The following MCTP1 variants were observed in gnomAD, a reference collection of about 807,000 sequenced individuals.
MCTP1 encodes multiple C2 and transmembrane domain-containing protein 1.
In MCTP1, 69 loss-of-function variants were observed where a neutral mutation model predicts 120.6. The observed-to-expected ratio is 0.57, with a 90% CI of 0.47 to 0.70. The LOEUF (loss-of-function observed/expected upper bound fraction) is 0.70. Among genes scored for constraint, MCTP1 ranks in the 30% least tolerant of loss-of-function variants. The pLI, the probability that MCTP1 is intolerant of heterozygous loss-of-function variation, is 0.00. For synonymous variants in MCTP1, 529 were observed against 493.1 expected (o/e 1.07, Z -0.96); for missense variants, 1,203 against 1,248.8 (o/e 0.96, Z 0.55).
At chr5:94,845,463 G>A (rs991023816) in intron 17 of MCTP1, among the ~76,000 whole-genome samples, 1 of 152,170 alleles carries the variant, frequency 6.6e-6, no homozygotes, top group Admixed American at 6.5e-5. Context: ...AATTTAAGAT[G>A]AGATTTGTGT....
At chr5:94,995,298 T>A (rs1832408018) in intron 2 of MCTP1, among the ~76,000 whole-genome samples, 1 of 152,160 alleles carries the variant, frequency 6.6e-6, no homozygotes, top group South Asian at 2.1e-4. Context: ...TATGATTCAG[T>A]AGGTCTGGGA....
chr5:94,974,946 G>C (rs1347063100), intron 2 of MCTP1, among the ~76,000 whole-genome samples: 7 of 151,996 alleles, frequency 4.6e-5, no homozygotes, highest in Non-Finnish European at 7.4e-5. Context: ...TATTCACTTT[G>C]AGAAAAAAGG....
At chr5:95,126,023 A>G in intron 1 of MCTP1, among the ~76,000 whole-genome samples, 1 of 152,248 alleles carries the variant, frequency 6.6e-6, no homozygotes, top group East Asian at 1.9e-4. Context: ...GTTTTTTAAA[A>G]AAAATTTCAG....
intron 1 of MCTP1, among the ~76,000 whole-genome samples, chr5:95,194,203 G>C (rs1016463322): frequency 6.6e-6 from 1 of 151,858 alleles, no homozygotes; most frequent in Middle Eastern, 3.2e-3. Context: ...GTGAGACACT[G>C]TCTGAAAAGA....
chr5:95,101,799 A>T (rs969868251), intron 1 of MCTP1, among the ~76,000 whole-genome samples: 1 of 152,228 alleles, frequency 6.6e-6, no homozygotes, highest in Non-Finnish European at 1.5e-5. Context: ...AATTATTCAC[A>T]AACAGGCTAA....
At chr5:95,073,900 C>T (rs1204629970) in intron 1 of MCTP1, among the ~76,000 whole-genome samples, 4 of 152,112 alleles carry the variant, frequency 2.6e-5, no homozygotes, top group Non-Finnish European at 5.9e-5. Context: ...ATCACGAGGT[C>T]AGGAGTTCAA....
At chr5:95,061,418 T>TTTG (rs1749122980) in intron 1 of MCTP1, among the ~76,000 whole-genome samples, 1 of 17,228 alleles carries the variant, frequency 5.8e-5, no homozygotes, top group African/African-American at 2.5e-4. Flanking sequence ...GTTTTTTTTT[T>TTTG]TTTTTTTTTT....
At chr5:95,185,186 C>T (rs1007281427) in intron 1 of MCTP1, among the ~76,000 whole-genome samples, 1 of 152,190 alleles carries the variant, frequency 6.6e-6, no homozygotes, top group African/African-American at 2.4e-5. Flanking sequence ...TGTTTCTCAA[C>T]TTACTTTATG....
intron 1 of MCTP1, among the ~76,000 whole-genome samples, chr5:95,183,461 A>G (rs950860040): frequency 1.3e-5 from 2 of 151,858 alleles, no homozygotes; most frequent in Non-Finnish European, 2.9e-5. Context: ...ATAGAAGGAA[A>G]AACAATACAC....
At chr5:94,763,834 T>A (rs982690414) in intron 19 of MCTP1, among the ~76,000 whole-genome samples, 4 of 152,192 alleles carry the variant, frequency 2.6e-5, no homozygotes, top group African/African-American at 9.7e-5. Flanking sequence ...TAAAACTTTC[T>A]GAGACTTTGA....
In MCTP1 at chr5:95,139,277, G is replaced by A. The variant is rs1329755580; in HGVS notation, c.721-121793C>T. ...AGAGCTGAATTATATTATTCTTAAT[G>A]TCTTTGTAATCTAGAAGGCTTTGTG... On this transcript the variant is annotated intron_variant, in intron 1 of 22. Coordinates refer to ENST00000515393, the MANE Select transcript of MCTP1 (RefSeq NM_024717.7). Among the ~76,000 whole-genome samples, 3 of 152,178 alleles carry A rather than the reference G, an allele frequency of 2.0e-5. No homozygotes were observed. In the East Asian group the frequency reaches 5.8e-4, roughly 29 times the overall value.
At chr5:95,171,050 A>G (rs546723060) in intron 1 of MCTP1, among the ~76,000 whole-genome samples, 6 of 151,910 alleles carry the variant, frequency 3.9e-5, no homozygotes, top group East Asian at 1.9e-4. Context: ...GGCTGGTACC[A>G]GTTGTTCCTT....
intron 5 of MCTP1, among the ~76,000 whole-genome samples, chr5:94,938,425 C>T (rs982157036): frequency 1.3e-5 from 2 of 151,976 alleles, no homozygotes; most frequent in African/African-American, 4.8e-5. Flanking sequence ...GTCACATGGC[C>T]TTTGTGTGTG....
intron 17 of MCTP1, among the ~76,000 whole-genome samples, chr5:94,823,362 G>A (rs1484205117): frequency 6.6e-6 from 1 of 152,058 alleles, no homozygotes; most frequent in Non-Finnish European, 1.5e-5. Context: ...GTAAATGTGT[G>A]GTGTTATTTC....
chr5:95,185,012 T>C (rs918779266), intron 1 of MCTP1, among the ~76,000 whole-genome samples: 1 of 152,212 alleles, frequency 6.6e-6, no homozygotes, highest in Non-Finnish European at 1.5e-5. Flanking sequence ...TGAGTAATGA[T>C]AAAACTCCGG....
chr5:94,914,352 C>T (rs561134954), intron 8 of MCTP1, among the ~76,000 whole-genome samples: 37 of 152,308 alleles, frequency 2.4e-4, no homozygotes, highest in South Asian at 1.2e-3. Flanking sequence ...TTTTACGTAA[C>T]TCTGCCTCCC....
intron 1 of MCTP1, among the ~76,000 whole-genome samples, chr5:95,092,180 T>C (rs902164620): frequency 6.6e-6 from 1 of 152,236 alleles, no homozygotes; most frequent in Non-Finnish European, 1.5e-5. Flanking sequence ...GTTGTTGTTG[T>C]TTTATTTTGT....
intron 1 of MCTP1, among the ~76,000 whole-genome samples, chr5:95,166,740 T>G (rs889430917): frequency 7.2e-5 from 11 of 151,952 alleles, no homozygotes; most frequent in Admixed American, 2.0e-4. Flanking sequence ...GCTAATTTTT[T>G]GTATTTTTAG....
At chr5:94,834,757 C>A (rs1044688469) in intron 17 of MCTP1, among the ~76,000 whole-genome samples, 1 of 150,604 alleles carries the variant, frequency 6.6e-6, no homozygotes, top group Non-Finnish European at 1.5e-5. Context: ...AACAAAACTT[C>A]ATTAGGAGAC....
Sources: gnomAD v4.1 joint callset for allele counts (sites outside exome capture counted in the v4.1 genomes callset) on GRCh38, gnomAD v4.1.1 for gene constraint, MANE v1.5 for transcripts, NCBI Gene and HGNC (gene_info 2026-07-23, HGNC 2026-07-21) for gene names.